Variants in MKRN2OS observed in about 807,000 individuals in gnomAD.
The protein encoded by MKRN2OS is MKRN2 opposite strand, also known as MKRN2 opposite strand protein.
A neutral mutation model predicts 18.2 loss-of-function variants in MKRN2OS; 17 were observed. The observed-to-expected ratio is 0.93, with a 90% CI of 0.64 to 1.40. The LOEUF (loss-of-function observed/expected upper bound fraction) is 1.40, where lower values mean the gene tolerates loss of function less well. Ranked by LOEUF, MKRN2OS falls within the 40% of genes most tolerant of loss-of-function variation. The probability of loss-of-function intolerance (pLI) is 0.00; values close to 1 mark genes in which losing one functional copy is unlikely to be tolerated. For missense variants in MKRN2OS, 337 were observed against 283.0 expected (o/e 1.19, Z -1.37); for synonymous variants, 121 against 108.5 (o/e 1.12, Z -0.72).
chr3:12,555,051 C>A (rs1380729940), intron 1 of MKRN2OS, among the ~76,000 whole-genome samples: 3 of 152,096 alleles, frequency 2.0e-5, no homozygotes, highest in Non-Finnish European at 4.4e-5. Context: ...GGCTCTCGCC[C>A]GTAATCCCAG....
chr3:12,559,911 C>G (rs946694943), intron 1 of MKRN2OS, among the ~76,000 whole-genome samples: 9 of 152,140 alleles, frequency 5.9e-5, no homozygotes, highest in Non-Finnish European at 1.2e-4. Context: ...ATTTCATTGT[C>G]CTAAGATAGT....
downstream of MKRN2OS, among the ~76,000 whole-genome samples, chr3:12,550,549 CA>C (rs1299525496): frequency 6.6e-6 from 1 of 152,142 alleles, no homozygotes; most frequent in Non-Finnish European, 1.5e-5. Context: ...CCCATCTCTA[CA>C]AAAAAATTTT....
At chr3:12,552,180 G>A (rs902310725), downstream of MKRN2OS, among the ~76,000 whole-genome samples, 3 of 151,270 alleles carry the variant, frequency 2.0e-5, no homozygotes, top group Admixed American at 6.6e-5. Flanking sequence ...TTAGCTGGGC[G>A]GGGTGGTGGG....
At chr3:12,559,169 C>T (rs1311469199) in intron 1 of MKRN2OS, among the ~76,000 whole-genome samples, 1 of 152,122 alleles carries the variant, frequency 6.6e-6, no homozygotes, top group Non-Finnish European at 1.5e-5. Context: ...TCAGGGCTCC[C>T]GATGACTGCC....
At chr3:12,548,457 A>G (rs13075734), upstream of MKRN2OS, among the ~76,000 whole-genome samples, 2 of 136,318 alleles carry the variant, frequency 1.5e-5, no homozygotes, top group Non-Finnish European at 3.2e-5. Flanking sequence ...CAAAAAAAAA[A>G]AAAAAAAAAA....
chr3:12,557,127 C>T, intron 1 of MKRN2OS: 1 of 1,498,860 alleles, frequency 6.7e-7, no homozygotes, highest in Non-Finnish European at 8.9e-7. Context: ...GGCGGCACGA[C>T]GACGGTCCCT....
chr3:12,549,588 C>T (rs1262072172), upstream of MKRN2OS, among the ~76,000 whole-genome samples: 1 of 152,144 alleles, frequency 6.6e-6, no homozygotes, highest in African/African-American at 2.4e-5. Context: ...TGCTCTGTCA[C>T]CCACGTTGGA....
chr3:12,549,850 G>A (rs996948576), upstream of MKRN2OS, among the ~76,000 whole-genome samples: 1 of 152,270 alleles, frequency 6.6e-6, no homozygotes, highest in Non-Finnish European at 1.5e-5. Flanking sequence ...TGTAATTTTG[G>A]CTTGAAGAAC....
At chr3:12,541,375 A>T (rs1347228800) in intron 3 of MKRN2OS, among the ~76,000 whole-genome samples, 1 of 151,932 alleles carries the variant, frequency 6.6e-6, no homozygotes. Flanking sequence ...GTCCACCACC[A>T]CGCCTGGCTA....
intron 1 of MKRN2OS, among the ~76,000 whole-genome samples, chr3:12,559,576 C>T (rs1251163629): frequency 6.6e-6 from 1 of 152,086 alleles, no homozygotes; most frequent in Non-Finnish European, 1.5e-5. Flanking sequence ...TATGTATCTC[C>T]AAGAGTTGCT....
intron 1 of MKRN2OS, among the ~76,000 whole-genome samples, chr3:12,558,180 CGT>C (rs2125297830): frequency 6.6e-6 from 1 of 152,298 alleles, no homozygotes; most frequent in South Asian, 2.1e-4. Flanking sequence ...ATAGTTGAGA[CGT>C]GACTGTGTAG....
At chr3:12,559,660 A>T (rs1349573661) in intron 1 of MKRN2OS, among the ~76,000 whole-genome samples, 1 of 152,154 alleles carries the variant, frequency 6.6e-6, no homozygotes, top group Admixed American at 6.5e-5. Flanking sequence ...GGTAAAAATG[A>T]CTGCTCGTAC....
upstream of MKRN2OS, chr3:12,545,536 G>A (rs879800539): frequency 4.9e-5 from 58 of 1,173,098 alleles, no homozygotes; most frequent in Non-Finnish European, 6.5e-5. Context: ...CCTGGCGAAT[G>A]CACACCGCCC....
chr3:12,544,801 A>G (rs193106902), intron 1 of MKRN2OS, among the ~76,000 whole-genome samples: 2 of 152,330 alleles, frequency 1.3e-5, no homozygotes, highest in African/African-American at 4.8e-5. Flanking sequence ...TCTACAGTGG[A>G]AATAGATCAG....
Position 12,540,080 on chromosome 3 carries a change from C to T in MKRN2OS, c.*113G>A, listed in dbSNP as rs1242162436. ...GATTACAGGTGTGAGCCACCATGCC[C>T]GGCCCATACACGCTTTTATTAACCA... On this transcript the variant is annotated 3_prime_UTR_variant, in exon 4 of 4. Transcript: ENST00000564146. 6 of 1,427,272 alleles carry T rather than the reference C, an allele frequency of 4.2e-6. No individual in the cohort carries two copies. Among genetic ancestry groups the T allele is most frequent in the Non-Finnish European group, 5.6e-6 (6 of 1,064,400 alleles). The allele number at this position is 1,427,272 out of a possible 1,614,324, so 88.4% of individuals were successfully genotyped here.
intron 1 of MKRN2OS, among the ~76,000 whole-genome samples, chr3:12,560,478 TA>T (rs10651248): frequency 0.036 from 4,531 of 124,938 alleles, 215 homozygotes; most frequent in African/African-American, 0.11. Context: ...TAGGAAAATG[TA>T]AAAAAAAAAA....
rs1264589463 is a variant in MKRN2OS, at chr3:12,542,125, AC to A, written c.269-104del. The A allele has an allele frequency of 2.9e-5, 35 of 1,197,734 alleles. No individual in the cohort carries two copies. In the African/African-American group the frequency reaches 4.6e-4, roughly 16 times the overall value. The allele number at this position is 1,197,734 out of a possible 1,614,324, so 74.2% of individuals were successfully genotyped here. A position where few individuals can be genotyped will look rare whatever the true frequency, so the allele number is the denominator to read the frequency against. On this transcript the variant is annotated intron_variant, in intron 2 of 3. Transcript: ENST00000564146. ...AGTAGCCATGTGGTAACTTTACGTAACATAAATCCAGGGTGGAGGTTCTAGA... is the reference window on the plus strand; with the variant it reads ...AGTAGCCATGTGGTAACTTTACGTAAATAAATCCAGGGTGGAGGTTCTAGA...
At position 12,539,976 on chromosome 3, in the gene MKRN2OS, G is replaced by T. The variant is rs1242562519; in HGVS notation, c.*217C>A. ...AATTTTATATTTTTAGTAAGGACGG[G>T]GTTTCTCCATGTTGGTCAGGCTGGT... On this transcript the variant is annotated 3_prime_UTR_variant, in exon 4 of 4. Coordinates refer to ENST00000564146, the MANE Select transcript of MKRN2OS (RefSeq NM_001195279.2). 2 of 565,390 alleles carry T rather than the reference G, an allele frequency of 3.5e-6. No homozygotes were observed. Among genetic ancestry groups the T allele is most frequent in the Non-Finnish European group, 6.2e-6 (2 of 322,364 alleles). 35.0% of individuals were successfully genotyped at this position (565,390 alleles called of 1,614,324 possible).
At chr3:12,551,866 C>G (rs1051116305), downstream of MKRN2OS, among the ~76,000 whole-genome samples, 1 of 151,960 alleles carries the variant, frequency 6.6e-6, no homozygotes, top group Non-Finnish European at 1.5e-5. Context: ...TTCGCTTGAA[C>G]CCGGGAGGTG....
Sources: allele counts gnomAD v4.1 joint callset (sites outside exome capture counted in the v4.1 genomes callset), GRCh38; gene constraint gnomAD v4.1.1; transcripts MANE v1.5; gene names NCBI Gene and HGNC (gene_info 2026-07-23, HGNC 2026-07-21).